Variants in IL1RAP observed in about 807,000 individuals in gnomAD.
IL1RAP encodes the protein interleukin 1 receptor accessory protein.
IL1RAP carries 35 observed loss-of-function variants against 60.7 expected under a neutral mutation model. The ratio of observed to expected loss-of-function variants is 0.58; its 90% CI spans 0.44 to 0.76. The LOEUF (loss-of-function observed/expected upper bound fraction) is 0.76, where lower values mean the gene tolerates loss of function less well. Ranked by LOEUF, IL1RAP falls within the 30% of genes least tolerant of loss-of-function variation. The pLI is 0.00. For missense variants in IL1RAP, 572 were observed against 693.9 expected, an observed-to-expected ratio of 0.82 and a Z score of 1.97; for synonymous variants, 268 against 250.9, an observed-to-expected ratio of 1.07 and a Z score of -0.64.
At chr3:190,611,899 A>C (rs1318615097) in intron 5 of IL1RAP, among the ~76,000 whole-genome samples, 1 of 152,218 alleles carries the variant, frequency 6.6e-6, no homozygotes, top group Non-Finnish European at 1.5e-5. Flanking sequence ...CACCAATTGC[A>C]ATGAATCAAC....
intron 2 of IL1RAP, among the ~76,000 whole-genome samples, chr3:190,558,801 T>A (rs55971495): frequency 0.09 from 13,751 of 152,200 alleles, 664 homozygotes; most frequent in East Asian, 0.12. Flanking sequence ...TTGGAGAAAA[T>A]TGACTTCTCT....
intron 1 of IL1RAP, among the ~76,000 whole-genome samples, chr3:190,514,534 C>T (rs375171741): frequency 1.3e-5 from 2 of 151,794 alleles, no homozygotes; most frequent in African/African-American, 2.4e-5. Flanking sequence ...CCGCCCCCTC[C>T]CCGCTACCAC....
At chr3:190,631,572 G>C (rs533621068) in intron 9 of IL1RAP, among the ~76,000 whole-genome samples, 10 of 152,184 alleles carry the variant, frequency 6.6e-5, no homozygotes, top group African/African-American at 2.4e-4. Context: ...AAATTCAGAG[G>C]TTATATCTGA....
chr3:190,647,495 G>A (rs1308533918), intron 11 of IL1RAP, among the ~76,000 whole-genome samples: 1 of 152,178 alleles, frequency 6.6e-6, no homozygotes, highest in African/African-American at 2.4e-5. Context: ...CTTGACAGCA[G>A]AATAAAATTA....
intron 3 of IL1RAP, among the ~76,000 whole-genome samples, chr3:190,598,834 C>G (rs1377633724): frequency 6.6e-6 from 1 of 152,054 alleles, no homozygotes; most frequent in Non-Finnish European, 1.5e-5. Context: ...TCTACCCATT[C>G]TTCTCTATAT....
chr3:190,635,986 A>G (rs937181402), intron 9 of IL1RAP, among the ~76,000 whole-genome samples: 15 of 152,114 alleles, frequency 9.9e-5, no homozygotes, highest in Non-Finnish European at 2.1e-4. Context: ...AACCGAGGGA[A>G]TGGGGAATGA....
At chr3:190,530,815 C>G (rs180795664) in intron 1 of IL1RAP, among the ~76,000 whole-genome samples, 1 of 152,260 alleles carries the variant, frequency 6.6e-6, no homozygotes, top group East Asian at 1.9e-4. Context: ...TATCCAAGTG[C>G]CCAACAAGTT....
At chr3:190,557,965 C>G (rs2108610708) in intron 2 of IL1RAP, among the ~76,000 whole-genome samples, 1 of 152,180 alleles carries the variant, frequency 6.6e-6, no homozygotes, top group East Asian at 1.9e-4. Flanking sequence ...ATCCCTAACC[C>G]CTTGATCTGT....
At chr3:190,614,609 C>T (rs1020179078) in intron 5 of IL1RAP, among the ~76,000 whole-genome samples, 2 of 152,216 alleles carry the variant, frequency 1.3e-5, no homozygotes, top group East Asian at 1.9e-4. Context: ...CAAGGTATAG[C>T]GTGGTTGAGA....
intron 1 of IL1RAP, among the ~76,000 whole-genome samples, chr3:190,548,669 T>A (rs1179110144): frequency 6.6e-6 from 1 of 152,208 alleles, no homozygotes; most frequent in East Asian, 1.9e-4. Context: ...CTCAGGCCTC[T>A]AAGACAGGTG....
chr3:190,654,757 C>T (rs1028731323), downstream of IL1RAP, among the ~76,000 whole-genome samples: 1 of 152,244 alleles, frequency 6.6e-6, no homozygotes, highest in African/African-American at 2.4e-5. Context: ...TGTTCACCCT[C>T]ACACGGTGAC....
chr3:190,560,826 G>A (rs1725825501), intron 2 of IL1RAP, among the ~76,000 whole-genome samples: 1 of 152,216 alleles, frequency 6.6e-6, no homozygotes, highest in African/African-American at 2.4e-5. Flanking sequence ...CTGAGCACGT[G>A]AAGACCCATC....
chr3:190,652,937 T>C (rs74997868), downstream of IL1RAP, among the ~76,000 whole-genome samples: 1,767 of 152,244 alleles, frequency 0.012, 34 homozygotes, highest in African/African-American at 0.041. Flanking sequence ...TTTTTTCCAG[T>C]ATATACTGAT....
intron 11 of IL1RAP, among the ~76,000 whole-genome samples, chr3:190,646,979 C>T (rs115410178): frequency 0.011 from 1,737 of 152,246 alleles, 27 homozygotes; most frequent in African/African-American, 0.04. Context: ...TTTATTTGTT[C>T]GTACAGCCAT....
intron 1 of IL1RAP, among the ~76,000 whole-genome samples, chr3:190,530,584 G>C (rs1722901413): frequency 6.6e-6 from 1 of 152,136 alleles, no homozygotes; most frequent in African/African-American, 2.4e-5. Flanking sequence ...GGTATGCCTA[G>C]ATAACTCTTC....
exon 12 of IL1RAP, chr3:190,659,386 T>C (rs957046568): frequency 6.6e-6 from 1 of 152,164 alleles, no homozygotes; most frequent in African/African-American, 2.4e-5. Context: ...GTATTAGTTA[T>C]ACAGCGGTCA....
At position 190,588,792 on chromosome 3, in the gene IL1RAP, G is replaced by C. The variant is rs143282083; in HGVS notation, c.65-15336G>C. On this transcript the variant is annotated intron_variant, in intron 3 of 11. Transcript: ENST00000447382. ...TTCTCTTTCCCAATAAACGTATGAG[G>C]CAAATGTTCTCAACCTTAGCACTAT... 9.9e-5 allele frequency among the ~76,000 whole-genome samples: 15 copies of C among 152,142 alleles called. No individual in the cohort carries two copies. In the East Asian group the frequency reaches 2.9e-3, roughly 29 times the overall value.
intron 6 of IL1RAP, among the ~76,000 whole-genome samples, chr3:190,621,568 C>A (rs186906858): frequency 6.6e-5 from 10 of 152,266 alleles, no homozygotes; most frequent in Admixed American, 6.5e-4. Context: ...CTCTGATTAA[C>A]AGATTTAAAA....
chr3:190,591,120 C>T (rs1462000606), intron 3 of IL1RAP, among the ~76,000 whole-genome samples: 1 of 152,126 alleles, frequency 6.6e-6, no homozygotes, highest in Admixed American at 6.5e-5. Context: ...TTGTTGAGCA[C>T]AATTCAGTTT....
Sources: allele counts gnomAD v4.1 joint callset (sites outside exome capture counted in the v4.1 genomes callset), GRCh38; gene constraint gnomAD v4.1.1; transcripts MANE v1.5; gene names NCBI Gene and HGNC (gene_info 2026-07-23, HGNC 2026-07-21).